SP140L: variants seen among roughly 807,000 people sequenced by gnomAD.
SP140L encodes SP140 like nuclear body protein.
SP140L carries 64 observed loss-of-function variants against 84.3 expected under a neutral mutation model. The ratio of observed to expected loss-of-function variants is 0.76; its 90% CI spans 0.62 to 0.94. The LOEUF (loss-of-function observed/expected upper bound fraction) is 0.94. Ranked by LOEUF, SP140L falls within the 40% of genes least tolerant of loss-of-function variation. SP140L has a pLI of 0.00. For missense variants in SP140L, 628 were observed against 692.5 expected, an observed-to-expected ratio of 0.91 and a Z score of 1.05; for synonymous variants, 242 against 236.9, an observed-to-expected ratio of 1.02 and a Z score of -0.20.
chr2:230,342,089 G>C lies in SP140L; in HGVS notation c.107+13258G>C, dbSNP rs2060064187. 1.8e-5 allele frequency: 3 copies of C among 166,074 alleles called. No individual in the cohort carries two copies. In the South Asian group the frequency reaches 5.4e-4, roughly 30 times the overall value. 10.3% of individuals were successfully genotyped at this position (166,074 alleles called of 1,614,324 possible). On this transcript the variant is annotated intron_variant, in intron 2 of 18. Coordinates refer to ENST00000415673, the MANE Select transcript of SP140L (RefSeq NM_138402.6). The stretch of plus-strand genomic sequence containing the variant: ...GGCAATGGCGGGCGCCCCTCCCCCA[G>C]CGTCACTGCCGCCTTGCAGTTTGAT...
chr2:230,392,331 C>G (rs1371018662), intron 12 of SP140L, 102 bp downstream of exon 12: 3 of 1,539,990 alleles, frequency 1.9e-6, no homozygotes, highest in South Asian at 1.2e-5. Flanking sequence ...ATAGCTAAAG[C>G]CTTGATGCCA....
At chr2:230,337,117 A>C (rs974804710) in intron 2 of SP140L, among the ~76,000 whole-genome samples, 3 of 152,166 alleles carry the variant, frequency 2.0e-5, no homozygotes, top group Non-Finnish European at 2.9e-5. Context: ...CCAACAGTGT[A>C]AAAGTGTTCC....
chr2:230,394,727 A>G (rs1258838683), intron 13 of SP140L, among the ~76,000 whole-genome samples: 1 of 152,216 alleles, frequency 6.6e-6, no homozygotes, highest in Non-Finnish European at 1.5e-5. Flanking sequence ...TGGGGAGAAC[A>G]GAGGTCCCCC....
At position 230,358,973 on chromosome 2, in the gene SP140L, G is replaced by A; in HGVS notation, c.280G>A (p.Asp94Asn). The change falls in exon 4 of 19, where the codon GAT becomes AAT. Residue 94 changes from aspartate (D) to asparagine (N), a missense_variant. Coordinates refer to ENST00000415673, the MANE Select transcript of SP140L (RefSeq NM_138402.6). The stretch of plus-strand genomic sequence containing the variant: ...TTCAATATTTTTAAAGGATTCTGAA[G>A]ATTCTTGTAGAAACCTGGTCCCTGT... ...ITNKMFEDSEDSCRNLVPVQR... is the reference protein window; with the variant it reads ...ITNKMFEDSENSCRNLVPVQR... The A allele has an allele frequency of 1.3e-6, 2 of 1,577,884 alleles. No homozygotes were observed. Among genetic ancestry groups the A allele is most frequent in the Non-Finnish European group, 1.7e-6 (2 of 1,168,280 alleles).
At chr2:230,377,984 G>A (rs1211390241) in intron 7 of SP140L, among the ~76,000 whole-genome samples, 3 of 151,994 alleles carry the variant, frequency 2.0e-5, no homozygotes, top group Admixed American at 6.6e-5. Context: ...GTTAGTTTTT[G>A]CATATAGTTT....
At chr2:230,358,646 C>T (rs1179659586) in intron 3 of SP140L, among the ~76,000 whole-genome samples, 3 of 152,154 alleles carry the variant, frequency 2.0e-5, no homozygotes, top group Admixed American at 6.5e-5. Context: ...TCATTGATTG[C>T]CTGCTACATC....
At chr2:230,388,045 T>C (rs2061658334) in intron 9 of SP140L, among the ~76,000 whole-genome samples, 1 of 152,190 alleles carries the variant, frequency 6.6e-6, no homozygotes, top group African/African-American at 2.4e-5. Flanking sequence ...AGAACTGCCA[T>C]TTATTTGTGT....
Position 230,350,540 on chromosome 2 carries a change from A to G in SP140L, c.108-7265A>G, listed in dbSNP as rs144889523. Among the ~76,000 whole-genome samples the G allele has an allele frequency of 1.2e-3, 186 of 152,358 alleles. 3 individuals are homozygous for G. In the East Asian group the frequency reaches 0.032, roughly 27 times the overall value. On this transcript the variant is annotated intron_variant, in intron 2 of 18. Transcript: ENST00000415673. ...AATGTAGTCAACAAATACTTATTGA[A>G]CACCTTGTGTATATCAGGTACTCAA... is the stretch of plus-strand genomic sequence containing the variant.
At chr2:230,352,443 A>T (rs1020291015) in intron 2 of SP140L, among the ~76,000 whole-genome samples, 4 of 152,180 alleles carry the variant, frequency 2.6e-5, no homozygotes, top group African/African-American at 9.7e-5. Context: ...AGAGAGAGGG[A>T]GTGAGAGACA....
At chr2:230,342,456 C>T (rs868228375) in intron 2 of SP140L, among the ~76,000 whole-genome samples, 7 of 152,348 alleles carry the variant, frequency 4.6e-5, no homozygotes, top group African/African-American at 1.2e-4. Flanking sequence ...CCATCTTCTG[C>T]GTCGCTCACG....
At chr2:230,343,044 A>C (rs1575444836) in intron 2 of SP140L, among the ~76,000 whole-genome samples, 1 of 151,988 alleles carries the variant, frequency 6.6e-6, no homozygotes, top group East Asian at 1.9e-4. Context: ...GCATCCCATA[A>C]GTTTTGGTGT....
chr2:230,342,491 T>A (rs1408076001), intron 2 of SP140L, among the ~76,000 whole-genome samples: 2 of 152,212 alleles, frequency 1.3e-5, no homozygotes, highest in Non-Finnish European at 2.9e-5. Context: ...CCGGAGCTGT[T>A]CCTATTCGGC....
At chr2:230,398,421 G>A (rs1330142883) in intron 14 of SP140L, among the ~76,000 whole-genome samples, 1 of 152,222 alleles carries the variant, frequency 6.6e-6, no homozygotes, top group Admixed American at 6.5e-5. Flanking sequence ...GCAGATAAGA[G>A]GCAGGACTAA....
chr2:230,359,050 G>T lies in SP140L; in HGVS notation c.357G>T (p.Leu119=). The T allele has an allele frequency of 6.2e-7, 1 of 1,613,830 alleles. No individual in the cohort carries two copies. Among genetic ancestry groups the T allele is most frequent in the Non-Finnish European group, 8.5e-7 (1 of 1,179,854 alleles). ...GTGAACTGGAGAAGACATTTAACCT[G>T]TCAGTTTTGGAAGCACTGTTCAGCG... The part of the protein sequence containing the change: ...VLSELEKTFN[L]SVLEALFSEV... Residue 119 remains leucine, a synonymous_variant, in exon 4 of 19, where the codon CTG becomes CTT. Coordinates refer to ENST00000415673, the MANE Select transcript of SP140L (RefSeq NM_138402.6).
chr2:230,328,074 T>C (rs895525572), intron 1 of SP140L, among the ~76,000 whole-genome samples: 2 of 152,242 alleles, frequency 1.3e-5, no homozygotes, highest in Non-Finnish European at 2.9e-5. Context: ...TTTCATTTTT[T>C]TGAGACAGGG....
At chr2:230,327,343 G>C in intron 1 of SP140L, 42 bp downstream of exon 1, 1 of 1,594,576 alleles carries the variant, frequency 6.3e-7, no homozygotes, top group Non-Finnish European at 8.5e-7. Flanking sequence ...ATCTCTGGCA[G>C]TATTGGAGCT....
chr2:230,347,325 A>AAAC (rs1156487765), intron 2 of SP140L, among the ~76,000 whole-genome samples: 1 of 152,130 alleles, frequency 6.6e-6, no homozygotes, highest in Non-Finnish European at 1.5e-5. Flanking sequence ...TGTGTTTTGC[A>AAAC]GTTGGGTTGA....
intron 7 of SP140L, chr2:230,372,724 C>CAAAAAAA (rs58923161): frequency 6.1e-4 from 55 of 90,250 alleles, no homozygotes; most frequent in East Asian, 1.2e-3. Context: ...GACTCCGTCT[C>CAAAAAAA]AAAAAAAAAA....
chr2:230,365,484 C>T (rs919961994), intron 5 of SP140L, among the ~76,000 whole-genome samples: 7 of 151,794 alleles, frequency 4.6e-5, no homozygotes, highest in African/African-American at 1.2e-4. Flanking sequence ...TGAGTTACAG[C>T]GTCTTCTCTT....
Sources: gnomAD v4.1 joint callset for allele counts (sites outside exome capture counted in the v4.1 genomes callset) on GRCh38, gnomAD v4.1.1 for gene constraint, MANE v1.5 for transcripts, NCBI Gene and HGNC (gene_info 2026-07-23, HGNC 2026-07-21) for gene names.